MAOB: variants seen among roughly 807,000 people sequenced by gnomAD.
The protein encoded by MAOB is monoamine oxidase B.
A neutral mutation model predicts 41.9 loss-of-function variants in MAOB; 15 were observed. That is an observed-to-expected ratio of 0.36 (90% CI 0.24 to 0.55). The LOEUF (loss-of-function observed/expected upper bound fraction) is 0.55. Among genes scored for constraint, MAOB ranks in the 20% least tolerant of loss-of-function variants. MAOB has a pLI of 0.86. For synonymous variants in MAOB, 167 were observed against 144.2 expected (o/e 1.16, Z -1.13); for missense variants, 345 against 398.7 (o/e 0.87, Z 1.15).
In MAOB at chrX:43,814,855, C is replaced by A. The variant is rs753347273; in HGVS notation, c.280-11451G>T. Among the ~76,000 whole-genome samples the A allele has an allele frequency of 2.7e-5, 3 of 111,699 alleles. No individual in the cohort carries two copies. The South Asian group carries it at 1.1e-3, about 42-fold the overall frequency. On this transcript the variant is annotated intron_variant, in intron 3 of 14. Coordinates refer to ENST00000378069, the MANE Select transcript of MAOB (RefSeq NM_000898.5). ...AGTTTGACTGCTTTCTAAACACAATCAAAATTAATTTATTCTGAAAAAAGT... is the reference window on the plus strand; with the variant it reads ...AGTTTGACTGCTTTCTAAACACAATAAAAATTAATTTATTCTGAAAAAAGT...
At chrX:43,827,285 G>A (rs1298542990) in intron 3 of MAOB, among the ~76,000 whole-genome samples, 4 of 112,111 alleles carry the variant, frequency 3.6e-5, no homozygotes, top group Non-Finnish European at 7.5e-5. Flanking sequence ...GCAGTTTCTT[G>A]CTGGAGTTTA....
chrX:43,799,722 T>C (rs1202792335), intron 5 of MAOB, among the ~76,000 whole-genome samples: 2 of 111,410 alleles, frequency 1.8e-5, no homozygotes, highest in Non-Finnish European at 3.8e-5. Flanking sequence ...AAAAGATAAA[T>C]GTTATAATAT....
intron 2 of MAOB, among the ~76,000 whole-genome samples, chrX:43,839,403 T>C: frequency 8.9e-6 from 1 of 112,500 alleles, no homozygotes; most frequent in Non-Finnish European, 1.9e-5. Flanking sequence ...ATGTGATTTG[T>C]TAATCCAGAC....
At chrX:43,812,085 G>A (rs770595863) in intron 3 of MAOB, among the ~76,000 whole-genome samples, 1 of 112,190 alleles carries the variant, frequency 8.9e-6, no homozygotes, top group Non-Finnish European at 1.9e-5. Flanking sequence ...AAATAAGTGA[G>A]AACATGTGAT....
At chrX:43,782,577 T>C (rs769855897) in intron 8 of MAOB, among the ~76,000 whole-genome samples, 1 of 111,691 alleles carries the variant, frequency 9.0e-6, no homozygotes, top group African/African-American at 3.3e-5. Flanking sequence ...GAGGAGCTGG[T>C]ACCATTCATT....
chrX:43,802,053 G>A (rs1348610891), intron 5 of MAOB, 119 bp downstream of exon 5: 5 of 561,959 alleles, frequency 8.9e-6, no homozygotes, highest in Non-Finnish European at 1.5e-5. Context: ...GCATGCCACT[G>A]GCTGGTGGTG....
intron 1 of MAOB, 77 bp from the exon 2 acceptor site, chrX:43,843,841 G>A: frequency 8.6e-7 from 1 of 1,160,720 alleles, no homozygotes. Flanking sequence ...CAGCCAATGA[G>A]AAAAGTCCAT....
intron 3 of MAOB, among the ~76,000 whole-genome samples, chrX:43,825,561 T>C (rs2034935098): frequency 9.0e-6 from 1 of 111,326 alleles, no homozygotes; most frequent in South Asian, 3.8e-4. Flanking sequence ...CACTTTCTAA[T>C]ACAACACACA....
Position 43,767,330 on chromosome X carries a change from C to T in MAOB, c.*136G>A. The stretch of plus-strand genomic sequence containing the variant: ...AAAGAGATACCATGTATTTTACAGT[C>T]AGAGTTGGATTTATCTTCATGCTCC... On this transcript the variant is annotated 3_prime_UTR_variant, in exon 15 of 15. Transcript: ENST00000378069. 1 of 579,483 alleles carries T rather than the reference C, an allele frequency of 1.7e-6. No homozygotes were observed. 47.8% of individuals were successfully genotyped at this position (579,483 alleles called of 1,213,427 possible). A position where few individuals can be genotyped will look rare whatever the true frequency, so the allele number is the denominator to read the frequency against.
chrX:43,874,592 G>A (rs2035428753), intron 1 of MAOB, among the ~76,000 whole-genome samples: 1 of 111,014 alleles, frequency 9.0e-6, no homozygotes, highest in Non-Finnish European at 1.9e-5. Flanking sequence ...TTTGGATCCT[G>A]CCCCCCTCCT....
At chrX:43,816,305 G>C (rs1209639101) in intron 3 of MAOB, among the ~76,000 whole-genome samples, 1 of 111,546 alleles carries the variant, frequency 9.0e-6, no homozygotes, top group Non-Finnish European at 1.9e-5. Flanking sequence ...TTCATCAGCT[G>C]TTCATTTATG....
intron 2 of MAOB, among the ~76,000 whole-genome samples, chrX:43,842,380 A>C (rs2035147026): frequency 8.9e-6 from 1 of 112,382 alleles, no homozygotes; most frequent in Non-Finnish European, 1.9e-5. Context: ...ACCTGTTAAA[A>C]TGGCTTTTAT....
At chrX:43,865,615 A>C (rs1008030489) in intron 1 of MAOB, among the ~76,000 whole-genome samples, 1 of 111,923 alleles carries the variant, frequency 8.9e-6, no homozygotes, top group African/African-American at 3.2e-5. Flanking sequence ...ATAAAATTTT[A>C]GAACTCAATA....
chrX:43,841,434 T>A (rs1312578491), intron 2 of MAOB, among the ~76,000 whole-genome samples: 1 of 111,936 alleles, frequency 8.9e-6, no homozygotes, highest in Non-Finnish European at 1.9e-5. Flanking sequence ...TAAAAACACA[T>A]CCATGTTCAT....
chrX:43,829,858 C>A (rs1296932531), intron 3 of MAOB, among the ~76,000 whole-genome samples: 1 of 111,754 alleles, frequency 8.9e-6, no homozygotes, highest in African/African-American at 3.3e-5. Context: ...ATCTACTAAC[C>A]TTTTATCCCT....
intron 1 of MAOB, among the ~76,000 whole-genome samples, chrX:43,847,212 C>T (rs904263452): frequency 3.6e-5 from 4 of 110,665 alleles, no homozygotes; most frequent in Non-Finnish European, 3.8e-5. Context: ...GGTGTGGTGG[C>T]GGGCACCTGT....
intron 8 of MAOB, among the ~76,000 whole-genome samples, chrX:43,782,491 A>G (rs776875478): frequency 9.0e-6 from 1 of 111,499 alleles, no homozygotes; most frequent in Non-Finnish European, 1.9e-5. Flanking sequence ...AAATTGAGGC[A>G]GTAATTAATA....
rs1362930004 is a variant in MAOB at position 43,768,625 on chromosome X, C to G, written c.1410+29G>C. 5 of 1,153,125 alleles carry G rather than the reference C, an allele frequency of 4.3e-6. No homozygotes were observed. The East Asian group carries it at 1.2e-4, about 28-fold the overall frequency. On this transcript the variant is annotated intron_variant, in intron 14 of 14. Transcript: ENST00000378069. ...AATAATGGGTTTAGAGAAAAGATATCTAATTTCATGAAATAAAACATAGCC... is the reference window on the plus strand; with the variant it reads ...AATAATGGGTTTAGAGAAAAGATATGTAATTTCATGAAATAAAACATAGCC...
intron 3 of MAOB, among the ~76,000 whole-genome samples, chrX:43,817,212 A>G (rs1004297917): frequency 5.6e-5 from 6 of 107,212 alleles, no homozygotes; most frequent in African/African-American, 2.1e-4. Flanking sequence ...AGTCTGGTGA[A>G]TTTCACTGAC....
Sources: gnomAD v4.1 joint callset for allele counts (sites outside exome capture counted in the v4.1 genomes callset) on GRCh38, gnomAD v4.1.1 for gene constraint, MANE v1.5 for transcripts, NCBI Gene and HGNC (gene_info 2026-07-23, HGNC 2026-07-21) for gene names.